PLD5: variants seen among roughly 807,000 people sequenced by gnomAD.
PLD5 encodes phospholipase D family member 5.
PLD5 carries 36 observed loss-of-function variants against 61.1 expected under a neutral mutation model. The observed-to-expected ratio is 0.59, with a 90% CI of 0.45 to 0.78. The LOEUF is 0.78. Ranked by LOEUF, PLD5 falls within the 30% of genes least tolerant of loss-of-function variation. The pLI is 0.00. For missense variants in PLD5, 515 were observed against 644.4 expected, an observed-to-expected ratio of 0.80 and a Z score of 2.17; for synonymous variants, 243 against 242.8, an observed-to-expected ratio of 1.00 and a Z score of -0.01.
intron 4 of PLD5, among the ~76,000 whole-genome samples, chr1:242,229,285 G>A (rs1014178661): frequency 1.3e-5 from 2 of 152,198 alleles, no homozygotes; most frequent in Admixed American, 6.5e-5. Flanking sequence ...TTATCTCCAA[G>A]TTCATTTCCA....
At chr1:242,191,941 C>T (rs976282325) in intron 5 of PLD5, among the ~76,000 whole-genome samples, 1 of 152,134 alleles carries the variant, frequency 6.6e-6, no homozygotes, top group African/African-American at 2.4e-5. Flanking sequence ...AAGACTCACT[C>T]TCTCCAGCAC....
chr1:242,246,974 CTTTTTTT>C (rs74466537), intron 4 of PLD5, among the ~76,000 whole-genome samples: 2 of 135,808 alleles, frequency 1.5e-5, no homozygotes, highest in Non-Finnish European at 1.6e-5. Flanking sequence ...TTTAGGGATT[CTTTTTTT>C]TTTTTTTTTT....
chr1:242,160,126 C>T (rs1032458053), intron 5 of PLD5, among the ~76,000 whole-genome samples: 3 of 152,040 alleles, frequency 2.0e-5, no homozygotes, highest in African/African-American at 7.3e-5. Flanking sequence ...ATACTCTTGC[C>T]TCAGCCTCCC....
chr1:242,167,534 C>T (rs1000505734), intron 5 of PLD5, among the ~76,000 whole-genome samples: 1 of 152,164 alleles, frequency 6.6e-6, no homozygotes, highest in African/African-American at 2.4e-5. Context: ...ATGGGAGCTA[C>T]AATTCAAGAT....
chr1:242,282,940 G>T (rs568856719), intron 3 of PLD5, among the ~76,000 whole-genome samples: 5 of 152,308 alleles, frequency 3.3e-5, no homozygotes, highest in Middle Eastern at 3.4e-3. Context: ...CCCTTAGCAG[G>T]CTGTGATACG....
intron 1 of PLD5, among the ~76,000 whole-genome samples, chr1:242,361,229 T>G (rs1325153330): frequency 6.6e-6 from 1 of 152,200 alleles, no homozygotes; most frequent in Non-Finnish European, 1.5e-5. Flanking sequence ...ATTTCCATTT[T>G]CATTTACCCA....
rs372445489 is a variant in PLD5, at chr1:242,217,229, G to A, written c.735+2759C>T. ...GTAATTTCTACTTTCAAGTCTTTTG[G>A]AAGGCTATATAGCTACCATAGACAG... is the stretch of plus-strand genomic sequence containing the variant. On this transcript the variant is annotated intron_variant, in intron 5 of 9. Transcript: ENST00000536534. Among the ~76,000 whole-genome samples the A allele has an allele frequency of 4.8e-4, 73 of 152,306 alleles. No individual in the cohort carries two copies. In the South Asian group the frequency reaches 0.014, roughly 30 times the overall value.
At chr1:242,299,924 G>A (rs1481000846) in intron 2 of PLD5, among the ~76,000 whole-genome samples, 1 of 152,138 alleles carries the variant, frequency 6.6e-6, no homozygotes, top group African/African-American at 2.4e-5. Flanking sequence ...CTGTTTTCAT[G>A]GGGCTTATTT....
intron 1 of PLD5, among the ~76,000 whole-genome samples, chr1:242,363,871 C>T (rs397834460): frequency 1.3e-5 from 2 of 151,852 alleles, no homozygotes; most frequent in Admixed American, 1.3e-4. Context: ...ACACAACATG[C>T]GAAAAGATTA....
intron 1 of PLD5, chr1:242,377,238 T>C: frequency 6.2e-7 from 1 of 1,611,142 alleles, no homozygotes; most frequent in East Asian, 2.2e-5. Flanking sequence ...ACCATCCGAT[T>C]TGTGCTGAGG....
chr1:242,123,855 C>T (rs961748424), intron 6 of PLD5, among the ~76,000 whole-genome samples: 5 of 152,052 alleles, frequency 3.3e-5, no homozygotes, highest in Non-Finnish European at 7.4e-5. Flanking sequence ...GGGTGGTGGA[C>T]TGGGAAGGTG....
chr1:242,374,773 G>T (rs890565966), intron 1 of PLD5, among the ~76,000 whole-genome samples: 1 of 152,042 alleles, frequency 6.6e-6, no homozygotes, highest in Non-Finnish European at 1.5e-5. Flanking sequence ...TACCCTTTTT[G>T]TCTAATTATA....
At chr1:242,378,862 A>G (rs1013710376) in intron 1 of PLD5, among the ~76,000 whole-genome samples, 1 of 152,104 alleles carries the variant, frequency 6.6e-6, no homozygotes. Flanking sequence ...ACAATAAAAA[A>G]TACGTTAAAA....
chr1:242,127,734 C>A (rs1662912141), intron 5 of PLD5, among the ~76,000 whole-genome samples: 1 of 152,034 alleles, frequency 6.6e-6, no homozygotes, highest in East Asian at 1.9e-4. Flanking sequence ...ATGAGCGCAC[C>A]AAAATCTCAC....
chr1:242,293,420 C>T (rs971716026), intron 2 of PLD5, among the ~76,000 whole-genome samples: 2 of 152,138 alleles, frequency 1.3e-5, no homozygotes, highest in African/African-American at 4.8e-5. Flanking sequence ...GAGCGAGAGA[C>T]CACGTTCACA....
At chr1:242,527,079 T>C (rs940753127), upstream of PLD5, among the ~76,000 whole-genome samples, 6 of 149,860 alleles carry the variant, frequency 4.0e-5, no homozygotes, top group African/African-American at 1.5e-4. Context: ...TATAGGACTA[T>C]ACATAGTGAC....
In PLD5 at chr1:242,430,817, T is replaced by A. The variant is rs530707769; in HGVS notation, c.190-82575A>T. Among the ~76,000 whole-genome samples the A allele has an allele frequency of 2.0e-5, 3 of 152,294 alleles. No homozygotes were observed. The South Asian group carries it at 6.2e-4, about 32-fold the overall frequency. The stretch of plus-strand genomic sequence containing the variant: ...TTTGAGTTTAATGGTAGGCTCCTCA[T>A]CATTGAGCTCTATGCAAGCATCAGG... On this transcript the variant is annotated intron_variant, in intron 1 of 9. Coordinates refer to ENST00000536534, the MANE Select transcript of PLD5 (RefSeq NM_001372062.1).
chr1:242,089,644 C>G lies in PLD5; in HGVS notation c.*210G>C, dbSNP rs1659658109. 1 of 607,918 alleles carries G rather than the reference C, an allele frequency of 1.6e-6. No homozygotes were observed. Among genetic ancestry groups the G allele is most frequent in the African/African-American group, 1.8e-5 (1 of 54,136 alleles). The allele number at this position is 607,918 out of a possible 1,614,324, so 37.7% of individuals were successfully genotyped here. On this transcript the variant is annotated 3_prime_UTR_variant, in exon 10 of 10. Coordinates refer to ENST00000536534, the MANE Select transcript of PLD5 (RefSeq NM_001372062.1). ...AACTTCTACGCCAGAATGACATTCT[C>G]TGTCAGAGGTAACAAATACAAAAGT...
chr1:242,102,856 A>T (rs1439073702), intron 8 of PLD5, among the ~76,000 whole-genome samples: 1 of 152,250 alleles, frequency 6.6e-6, no homozygotes, highest in South Asian at 2.1e-4. Context: ...TTATTAAAAA[A>T]AAAGTGACCA....
Sources: allele counts gnomAD v4.1 joint callset (sites outside exome capture counted in the v4.1 genomes callset), GRCh38; gene constraint gnomAD v4.1.1; transcripts MANE v1.5; gene names NCBI Gene and HGNC (gene_info 2026-07-23, HGNC 2026-07-21).